EXOC4: variants seen among roughly 807,000 people sequenced by gnomAD.
EXOC4 encodes SEC8-like 1.
In EXOC4, 71 loss-of-function variants were observed where a neutral mutation model predicts 107.2. The observed-to-expected ratio is 0.66, with a 90% CI of 0.55 to 0.81. EXOC4 has a LOEUF of 0.81. Ranked by LOEUF, EXOC4 falls within the 30% of genes least tolerant of loss-of-function variation. The pLI, the probability that EXOC4 is intolerant of heterozygous loss-of-function variation, is 0.00. For synonymous variants in EXOC4, 456 were observed against 441.2 expected (o/e 1.03, Z -0.42); for missense variants, 1,108 against 1,189.6 (o/e 0.93, Z 1.01).
chr7:134,039,283 C>T (rs936800957), intron 17 of EXOC4, among the ~76,000 whole-genome samples: 1 of 152,014 alleles, frequency 6.6e-6, no homozygotes, highest in Non-Finnish European at 1.5e-5. Context: ...TCAGGGAGTG[C>T]ATAATAAACC....
chr7:134,006,819 A>G (rs765016147), intron 16 of EXOC4, among the ~76,000 whole-genome samples: 1 of 152,226 alleles, frequency 6.6e-6, no homozygotes, highest in African/African-American at 2.4e-5. Flanking sequence ...TTTTAAAAAT[A>G]GTAACCCATA....
At chr7:133,507,226 A>G (rs894502146) in intron 9 of EXOC4, among the ~76,000 whole-genome samples, 8 of 152,154 alleles carry the variant, frequency 5.3e-5, no homozygotes, top group South Asian at 4.1e-4. Context: ...AACATCCTAC[A>G]TTAGTCGATA....
At chr7:133,713,467 A>G (rs1794936945) in intron 10 of EXOC4, among the ~76,000 whole-genome samples, 2 of 152,158 alleles carry the variant, frequency 1.3e-5, no homozygotes, top group Admixed American at 1.3e-4. Context: ...AGTCTTGGGG[A>G]TATAAATGTG....
At chr7:133,491,918 T>C (rs1318655235) in intron 9 of EXOC4, among the ~76,000 whole-genome samples, 1 of 152,056 alleles carries the variant, frequency 6.6e-6, no homozygotes, top group Admixed American at 6.5e-5. Context: ...GAGAATCTCA[T>C]GGAACTGGAA....
At chr7:133,789,992 A>C (rs935778629) in intron 10 of EXOC4, among the ~76,000 whole-genome samples, 1 of 152,150 alleles carries the variant, frequency 6.6e-6, no homozygotes, top group African/African-American at 2.4e-5. Context: ...ATTAGATGAA[A>C]TATATATTCT....
At chr7:133,453,796 T>G (rs1798402349) in intron 7 of EXOC4, among the ~76,000 whole-genome samples, 1 of 152,146 alleles carries the variant, frequency 6.6e-6, no homozygotes, top group South Asian at 2.1e-4. Flanking sequence ...GTTTTCCTTA[T>G]AATATGTAAC....
chr7:133,638,610 CTCTT>C (rs1040331089), intron 10 of EXOC4, among the ~76,000 whole-genome samples: 10 of 152,096 alleles, frequency 6.6e-5, no homozygotes, highest in Non-Finnish European at 1.3e-4. Flanking sequence ...TGCTTCTGTC[CTCTT>C]TCTTTTTTTC....
intron 14 of EXOC4, among the ~76,000 whole-genome samples, chr7:133,986,793 A>G (rs1284965880): frequency 6.6e-6 from 1 of 152,354 alleles, no homozygotes; most frequent in East Asian, 1.9e-4. Flanking sequence ...CAGAGAAATT[A>G]TGAAGACTGG....
intron 2 of EXOC4, among the ~76,000 whole-genome samples, chr7:133,286,551 T>C (rs11770490): frequency 0.16 from 24,375 of 152,192 alleles, 2,343 homozygotes; most frequent in Middle Eastern, 0.24. Flanking sequence ...ACAAACCTGA[T>C]TGGAAGCTCA....
At chr7:133,262,909 A>G (rs1162673243) in intron 1 of EXOC4, among the ~76,000 whole-genome samples, 1 of 152,198 alleles carries the variant, frequency 6.6e-6, no homozygotes, top group African/African-American at 2.4e-5. Flanking sequence ...TCCATGTGTC[A>G]TGGGAGGGAC....
the EXOC4 span, among the ~76,000 whole-genome samples, chr7:134,088,904 C>T: frequency 6.6e-6 from 1 of 152,010 alleles, no homozygotes; most frequent in African/African-American, 2.4e-5. Flanking sequence ...TTTACTATAC[C>T]AAATAAGGCA....
At chr7:134,052,217 G>C (rs1795812169) in intron 17 of EXOC4, among the ~76,000 whole-genome samples, 1 of 152,182 alleles carries the variant, frequency 6.6e-6, no homozygotes, top group Non-Finnish European at 1.5e-5. Context: ...GAGAGATGGA[G>C]TGGACATGGG....
At chr7:133,601,001 T>C (rs1157345807) in intron 9 of EXOC4, among the ~76,000 whole-genome samples, 2 of 152,218 alleles carry the variant, frequency 1.3e-5, no homozygotes, top group African/African-American at 4.8e-5. Context: ...GTGAATCACC[T>C]ATCCAGGGAA....
rs1447935164 is a variant in EXOC4 at position 133,524,215 on chromosome 7, T to C, written c.1417+44077T>C. The stretch of plus-strand genomic sequence containing the variant: ...GCCAGTGATGATGAGCATTTTTTCA[T>C]GTGTTTTTTGGCTGCATAAATGTCT... On this transcript the variant is annotated intron_variant, in intron 9 of 17. Transcript: ENST00000253861. Among the ~76,000 whole-genome samples, 4 of 93,178 alleles carry C rather than the reference T, an allele frequency of 4.3e-5. No individual in the cohort carries two copies. The East Asian group carries it at 1.2e-3, about 29-fold the overall frequency. 61.1% of individuals were successfully genotyped at this position (93,178 alleles called of 152,430 possible). A position where few individuals can be genotyped will look rare whatever the true frequency, so the allele number is the denominator to read the frequency against.
intron 3 of EXOC4, among the ~76,000 whole-genome samples, chr7:133,304,161 T>G (rs1189295818): frequency 1.3e-5 from 2 of 152,230 alleles, no homozygotes; most frequent in African/African-American, 4.8e-5. Context: ...GGCTACGTGA[T>G]GGGCCAGTGG....
chr7:133,764,021 T>A (rs561001992), intron 10 of EXOC4, among the ~76,000 whole-genome samples: 2 of 152,264 alleles, frequency 1.3e-5, no homozygotes, highest in South Asian at 4.1e-4. Context: ...AGTAGAATTC[T>A]TTAACCTTGT....
At chr7:133,759,450 A>G (rs1795988978) in intron 10 of EXOC4, among the ~76,000 whole-genome samples, 1 of 152,236 alleles carries the variant, frequency 6.6e-6, no homozygotes, top group Admixed American at 6.5e-5. Context: ...TCAGGCACAG[A>G]TCTACAGTGG....
At chr7:133,473,467 G>A (rs1029799963) in intron 7 of EXOC4, among the ~76,000 whole-genome samples, 1 of 152,220 alleles carries the variant, frequency 6.6e-6, no homozygotes, top group East Asian at 1.9e-4. Context: ...GGTGTCAGGT[G>A]CATATATATT....
chr7:133,729,432 C>G (rs748460775), intron 10 of EXOC4, among the ~76,000 whole-genome samples: 1 of 152,046 alleles, frequency 6.6e-6, no homozygotes, highest in Non-Finnish European at 1.5e-5. Context: ...ATATACAAAT[C>G]TTGCAAACTG....
Sources: allele counts gnomAD v4.1 joint callset (sites outside exome capture counted in the v4.1 genomes callset), GRCh38; gene constraint gnomAD v4.1.1; transcripts MANE v1.5; gene names NCBI Gene and HGNC (gene_info 2026-07-23, HGNC 2026-07-21).